The following HMCN1 variants were observed in gnomAD, a reference collection of about 807,000 sequenced individuals.
HMCN1 encodes the protein hemicentin-1.
HMCN1 carries 321 observed loss-of-function variants against 625.9 expected under a neutral mutation model. The observed-to-expected ratio is 0.51, with a 90% CI of 0.47 to 0.56. HMCN1 has a LOEUF of 0.56. Among genes scored for constraint, HMCN1 ranks in the 20% least tolerant of loss-of-function variants. The pLI is 0.00. For missense variants in HMCN1, 6,588 were observed against 6,887.3 expected, an observed-to-expected ratio of 0.96 and a Z score of 1.54; for synonymous variants, 2,425 against 2,417.6, an observed-to-expected ratio of 1.00 and a Z score of -0.09.
At position 186,166,364 on chromosome 1, in the gene HMCN1, A is replaced by G. The variant is rs1175125201; in HGVS notation, c.15439+61A>G. 58 of 1,597,182 alleles carry G rather than the reference A, an allele frequency of 3.6e-5. No homozygotes were observed. The East Asian group carries it at 1.2e-3, about 33-fold the overall frequency. On this transcript the variant is annotated intron_variant, in intron 99 of 106. Coordinates refer to ENST00000271588, the MANE Select transcript of HMCN1 (RefSeq NM_031935.3). ...GGTCAAGGATTTCTTTGACCTAGAA[A>G]AAGTATGATAGACCCATTATCTTCT...
Position 185,895,181 on chromosome 1 carries a change from A to C in HMCN1, c.622-14156A>C, listed in dbSNP as rs544025115. Among the ~76,000 whole-genome samples, 15 of 152,336 alleles carry C rather than the reference A, an allele frequency of 9.8e-5. No individual in the cohort carries two copies. The South Asian group carries it at 3.1e-3, about 32-fold the overall frequency. On this transcript the variant is annotated intron_variant, in intron 4 of 106. Coordinates refer to ENST00000271588, the MANE Select transcript of HMCN1 (RefSeq NM_031935.3). ...GTTAGAAATAAAACATTTGAACCTC[A>C]CCGATGCTGCAACTATCTATTTGTA...
chr1:186,046,628 T>G (rs187901217), intron 41 of HMCN1, among the ~76,000 whole-genome samples: 6 of 152,110 alleles, frequency 3.9e-5, no homozygotes, highest in Admixed American at 3.9e-4. Context: ...ATAACACATT[T>G]TAGGGGGTGG....
At chr1:186,125,908 T>A in intron 82 of HMCN1, 114 bp downstream of exon 82, 1 of 747,518 alleles carries the variant, frequency 1.3e-6, no homozygotes, top group South Asian at 1.9e-5. Context: ...AATATTCTTG[T>A]AAAATCAGGT....
At chr1:185,994,408 A>G (rs766541837) in intron 23 of HMCN1, among the ~76,000 whole-genome samples, 3 of 152,206 alleles carry the variant, frequency 2.0e-5, no homozygotes, top group Non-Finnish European at 4.4e-5. Flanking sequence ...AACTGAGTAC[A>G]TGGAGAGAAA....
In HMCN1 at chr1:185,981,094, A is replaced by G. The variant is rs74134253; in HGVS notation, c.2662+21A>G. On this transcript the variant is annotated intron_variant, in intron 17 of 106. Coordinates refer to ENST00000271588, the MANE Select transcript of HMCN1 (RefSeq NM_031935.3). ...ACTTGGTAAGATCAATTGAATGTCT[A>G]CATACCATGGTCTTCAAAGTCATCA... 6.4e-3 allele frequency: 8,708 copies of G among 1,370,980 alleles called. 410 individuals carry two copies. In the African/African-American group the frequency reaches 0.11, roughly 17 times the overall value. The allele number at this position is 1,370,980 out of a possible 1,614,324, so 84.9% of individuals were successfully genotyped here.
chr1:185,735,161 A>C, intron 1 of HMCN1, 114 bp downstream of exon 1: 1 of 1,178,624 alleles, frequency 8.5e-7, no homozygotes, highest in Non-Finnish European at 1.2e-6. Context: ...AAAAATGTGC[A>C]GCTGAAAATA....
At chr1:186,117,235 T>A in intron 76 of HMCN1, 120 bp downstream of exon 76, 1 of 1,379,172 alleles carries the variant, frequency 7.3e-7, no homozygotes, top group Non-Finnish European at 1.0e-6. Flanking sequence ...AGTTCAGGGG[T>A]ACACATGCAG....
At chr1:186,178,188 A>G (rs994634344) in intron 103 of HMCN1, among the ~76,000 whole-genome samples, 1 of 152,194 alleles carries the variant, frequency 6.6e-6, no homozygotes, top group Non-Finnish European at 1.5e-5. Context: ...ATGTGTGGAT[A>G]TAATATAGTA....
At chr1:185,935,187 T>A (rs1667747912) in intron 11 of HMCN1, among the ~76,000 whole-genome samples, 1 of 151,858 alleles carries the variant, frequency 6.6e-6, no homozygotes, top group Non-Finnish European at 1.5e-5. Context: ...AGAATGAGAT[T>A]GTAAAATAAA....
At chr1:185,951,329 A>G (rs1181800304) in intron 11 of HMCN1, among the ~76,000 whole-genome samples, 1 of 151,696 alleles carries the variant, frequency 6.6e-6, no homozygotes, top group East Asian at 1.9e-4. Flanking sequence ...AGTATTGTCT[A>G]AGTTGGCACC....
At chr1:186,014,540 T>C (rs1654227351) in intron 30 of HMCN1, among the ~76,000 whole-genome samples, 1 of 152,000 alleles carries the variant, frequency 6.6e-6, no homozygotes, top group Non-Finnish European at 1.5e-5. Flanking sequence ...ACTTGAGTTG[T>C]TTTCCTAGCA....
chr1:185,933,907 TGAGAG>T, intron 11 of HMCN1, 83 bp downstream of exon 11: 1 of 1,126,534 alleles, frequency 8.9e-7, no homozygotes, highest in Admixed American at 1.7e-5. Flanking sequence ...GTTGGCTATC[TGAGAG>T]TGAGAGTATC....
Position 186,034,982 on chromosome 1 carries a change from G to A in HMCN1, c.5750-2952G>A, listed in dbSNP as rs905041169. 5.9e-5 allele frequency among the ~76,000 whole-genome samples: 9 copies of A among 152,254 alleles called. No individual in the cohort carries two copies. In the East Asian group the frequency reaches 1.5e-3, roughly 26 times the overall value. The stretch of plus-strand genomic sequence containing the variant: ...TCTTGTATTTCTTATTCCCATCATA[G>A]TGTTTTATTGCAGCAGCGACATAGT... On this transcript the variant is annotated intron_variant, in intron 36 of 106. Transcript: ENST00000271588.
chr1:186,021,540 C>T (rs755296783), intron 35 of HMCN1, among the ~76,000 whole-genome samples: 8 of 151,566 alleles, frequency 5.3e-5, no homozygotes, highest in African/African-American at 7.3e-5. Flanking sequence ...TGACCTAGTT[C>T]GATCTTTAAA....
chr1:186,131,998 CT>C (rs1558247013), intron 85 of HMCN1, among the ~76,000 whole-genome samples: 1 of 151,950 alleles, frequency 6.6e-6, no homozygotes, highest in Non-Finnish European at 1.5e-5. Context: ...TAGTATTTTT[CT>C]TTAGTAAGAT....
chr1:185,991,673 CTTTA>C (rs1280204569), intron 22 of HMCN1, among the ~76,000 whole-genome samples: 1 of 150,656 alleles, frequency 6.6e-6, no homozygotes, highest in African/African-American at 2.4e-5. Context: ...TTTTTCATTC[CTTTA>C]TTTATGGACA....
chr1:185,772,597 G>A (rs1656321304), intron 1 of HMCN1, among the ~76,000 whole-genome samples: 1 of 152,160 alleles, frequency 6.6e-6, no homozygotes, highest in South Asian at 2.1e-4. Context: ...TTCTGGAGGT[G>A]TGGAGTAGAA....
intron 93 of HMCN1, among the ~76,000 whole-genome samples, chr1:186,147,271 C>T (rs183431009): frequency 9.2e-5 from 14 of 152,246 alleles, no homozygotes; most frequent in Admixed American, 7.8e-4. Context: ...TTTTTACTTC[C>T]TTCTCAAACT....
chr1:185,793,632 C>T (rs944670026), intron 1 of HMCN1, among the ~76,000 whole-genome samples: 1 of 152,154 alleles, frequency 6.6e-6, no homozygotes. Flanking sequence ...GTGTCTAAAT[C>T]GTTGAATTGT....
Sources: allele counts gnomAD v4.1 joint callset (sites outside exome capture counted in the v4.1 genomes callset), GRCh38; gene constraint gnomAD v4.1.1; transcripts MANE v1.5; gene names NCBI Gene and HGNC (gene_info 2026-07-23, HGNC 2026-07-21).